Variants in GPM6A observed in about 807,000 individuals in gnomAD.
GPM6A encodes the protein glycoprotein M6A, also known as neuronal membrane glycoprotein M6-a.
Under a neutral mutation model 32.1 loss-of-function variants are expected in GPM6A, and 7 were observed. The ratio of observed to expected loss-of-function variants is 0.22; its 90% confidence interval spans 0.12 to 0.41. GPM6A has a LOEUF of 0.41. Ranked by LOEUF, GPM6A falls within the 10% of genes least tolerant of loss-of-function variation. The probability of loss-of-function intolerance (pLI) is 1.00; values close to 1 mark genes in which losing one functional copy is unlikely to be tolerated. For synonymous variants in GPM6A, 130 were observed against 123.4 expected (o/e 1.05, Z -0.35); for missense variants, 235 against 347.2 (o/e 0.68, Z 2.57).
At chr4:175,892,179 A>T (rs531220535) in intron 1 of GPM6A, among the ~76,000 whole-genome samples, 29 of 152,294 alleles carry the variant, frequency 1.9e-4, no homozygotes, top group African/African-American at 6.7e-4. Context: ...TATGAATCCT[A>T]CCTAATTGAG....
chr4:175,763,569 A>C lies in GPM6A; in HGVS notation c.37+48622T>G, dbSNP rs1256957614. On this transcript the variant is annotated intron_variant, in intron 1 of 6. Coordinates refer to ENST00000393658, the MANE Select transcript of GPM6A (RefSeq NM_201591.3). ...AAATTCTTTTATGTAATAGGTCCTC[A>C]TTAAATGCAGTTTATCTAGGGAAAA... is the stretch of plus-strand genomic sequence containing the variant. Among the ~76,000 whole-genome samples, 4 of 152,174 alleles carry C rather than the reference A, an allele frequency of 2.6e-5. No homozygotes were observed. In the East Asian group the frequency reaches 7.7e-4, roughly 29 times the overall value.
At chr4:175,857,089 T>G (rs573457026) in intron 1 of GPM6A, among the ~76,000 whole-genome samples, 1 of 152,196 alleles carries the variant, frequency 6.6e-6, no homozygotes, top group Non-Finnish European at 1.5e-5. Context: ...GGGGAAACTA[T>G]GTGTAAATAG....
intron 1 of GPM6A, among the ~76,000 whole-genome samples, chr4:175,881,043 A>G (rs894419121): frequency 6.6e-6 from 1 of 152,192 alleles, no homozygotes; most frequent in South Asian, 2.1e-4. Flanking sequence ...AACTACCATC[A>G]GAGTGAACAG....
chr4:175,852,811 A>G (rs770710731), intron 1 of GPM6A, among the ~76,000 whole-genome samples: 1 of 152,210 alleles, frequency 6.6e-6, no homozygotes, highest in African/African-American at 2.4e-5. Flanking sequence ...TGAAACTTCA[A>G]TGAAAATGTC....
At chr4:175,723,517 C>T (rs1746249210) in intron 1 of GPM6A, among the ~76,000 whole-genome samples, 1 of 152,020 alleles carries the variant, frequency 6.6e-6, no homozygotes, top group East Asian at 1.9e-4. Context: ...TGCTATAATA[C>T]TAAAAGGCAG....
chr4:175,725,064 A>G (rs566452831), intron 1 of GPM6A, among the ~76,000 whole-genome samples: 40 of 152,242 alleles, frequency 2.6e-4, no homozygotes, highest in Middle Eastern at 3.4e-3. Context: ...TGATTACTCT[A>G]CAAATTGCAT....
chr4:175,725,804 T>C (rs1746373676), intron 1 of GPM6A, among the ~76,000 whole-genome samples: 1 of 152,142 alleles, frequency 6.6e-6, no homozygotes, highest in Admixed American at 6.6e-5. Flanking sequence ...TTGTATGCTA[T>C]TTTGCATTTT....
chr4:175,918,786 G>A, intron 1 of GPM6A, among the ~76,000 whole-genome samples: 1 of 152,094 alleles, frequency 6.6e-6, no homozygotes, highest in East Asian at 1.9e-4. Flanking sequence ...TTAACAATTT[G>A]TGAAACAACA....
At chr4:175,903,442 G>GA (rs879299617) in intron 1 of GPM6A, among the ~76,000 whole-genome samples, 1 of 152,016 alleles carries the variant, frequency 6.6e-6, no homozygotes, top group African/African-American at 2.4e-5. Flanking sequence ...TATTTGATGA[G>GA]AAAAAAATTT....
chr4:175,735,520 T>A (rs1458107313), intron 1 of GPM6A, among the ~76,000 whole-genome samples: 1 of 152,072 alleles, frequency 6.6e-6, no homozygotes, highest in African/African-American at 2.4e-5. Flanking sequence ...GAATACAAAT[T>A]ATGAGCCTCT....
At chr4:175,828,698 A>G (rs1198558369) in intron 1 of GPM6A, among the ~76,000 whole-genome samples, 3 of 152,208 alleles carry the variant, frequency 2.0e-5, no homozygotes, top group African/African-American at 7.2e-5. Flanking sequence ...TACAATAAGC[A>G]AAATAATAAT....
chr4:175,644,461 CATAAA>C (rs1264220069), intron 4 of GPM6A, among the ~76,000 whole-genome samples: 3 of 151,532 alleles, frequency 2.0e-5, no homozygotes, highest in South Asian at 4.2e-4. Context: ...CACACGCACA[CATAAA>C]ATAAAGTTTT....
At chr4:175,902,934 A>G (rs1389128258) in intron 1 of GPM6A, among the ~76,000 whole-genome samples, 1 of 152,130 alleles carries the variant, frequency 6.6e-6, no homozygotes, top group African/African-American at 2.4e-5. Flanking sequence ...ATAACAGCTA[A>G]TCTATGATAA....
intron 1 of GPM6A, among the ~76,000 whole-genome samples, chr4:175,719,243 G>A (rs1352461271): frequency 6.6e-6 from 1 of 151,286 alleles, no homozygotes; most frequent in East Asian, 1.9e-4. Context: ...TCTGTCACCA[G>A]GCTGGAGTGC....
At chr4:175,790,143 C>T (rs1231432498) in intron 1 of GPM6A, among the ~76,000 whole-genome samples, 1 of 152,102 alleles carries the variant, frequency 6.6e-6, no homozygotes, top group Non-Finnish European at 1.5e-5. Context: ...ACATTCAAGG[C>T]AATTCTTAGA....
At position 175,879,555 on chromosome 4, in the gene GPM6A, A is replaced by T. The variant is rs1477737063; in HGVS notation, c.-22-67306T>A. 1.3e-5 allele frequency among the ~76,000 whole-genome samples: 2 copies of T among 152,142 alleles called. 1 individual carries two copies. The highest frequency in any genetic ancestry group is 4.1e-4 in the South Asian group (2 of 4,828). ...TATCAGATCTCATGAGAACTCATTC[A>T]CTATCATGAGAACAGTATGGCGGAA... On this transcript the variant is annotated intron_variant, in intron 1 of 7. Coordinates refer to the GPM6A transcript ENST00000280187.
intron 1 of GPM6A, among the ~76,000 whole-genome samples, chr4:175,810,388 A>T (rs1461939986): frequency 6.6e-6 from 1 of 152,182 alleles, no homozygotes; most frequent in Admixed American, 6.5e-5. Context: ...AGACCACTAA[A>T]CGTTTTTTCT....
At chr4:175,801,300 C>G (rs1734461577) in intron 1 of GPM6A, among the ~76,000 whole-genome samples, 1 of 151,916 alleles carries the variant, frequency 6.6e-6, no homozygotes, top group Non-Finnish European at 1.5e-5. Flanking sequence ...ACGTTAAAAA[C>G]TTTTATAAAT....
At chr4:175,910,363 G>C (rs1303953001) in intron 1 of GPM6A, among the ~76,000 whole-genome samples, 1 of 152,154 alleles carries the variant, frequency 6.6e-6, no homozygotes, top group Non-Finnish European at 1.5e-5. Context: ...CTTTGAACCT[G>C]CTTTGAAGCT....
Sources: gnomAD v4.1 joint callset for allele counts (sites outside exome capture counted in the v4.1 genomes callset) on GRCh38, gnomAD v4.1.1 for gene constraint, MANE v1.5 for transcripts, NCBI Gene and HGNC (gene_info 2026-07-23, HGNC 2026-07-21) for gene names.